ARMC2: variants seen among roughly 807,000 people sequenced by gnomAD.
The protein encoded by ARMC2 is armadillo repeat containing 2.
Under a neutral mutation model 90.3 loss-of-function variants are expected in ARMC2, and 67 were observed. The observed-to-expected ratio is 0.74, with a 90% confidence interval of 0.61 to 0.91. ARMC2 has a LOEUF of 0.91. Ranked by LOEUF, ARMC2 falls within the 40% of genes least tolerant of loss-of-function variation. The pLI is 0.00. For missense variants in ARMC2, 920 were observed against 1,030.9 expected (o/e 0.89, Z 1.47); for synonymous variants, 393 against 393.0 (o/e 1.00, Z 0.00).
At chr6:108,868,469 G>A (rs961939574) in intron 3 of ARMC2, among the ~76,000 whole-genome samples, 3 of 152,070 alleles carry the variant, frequency 2.0e-5, no homozygotes, top group Non-Finnish European at 2.9e-5. Flanking sequence ...CACCTGCCTC[G>A]GCCTCCCAAA....
At chr6:108,948,382 T>C (rs963001326) in intron 12 of ARMC2, among the ~76,000 whole-genome samples, 3 of 152,050 alleles carry the variant, frequency 2.0e-5, no homozygotes, top group African/African-American at 2.4e-5. Flanking sequence ...GCTTCTATTT[T>C]GGCCTCTTCC....
chr6:109,030,238 G>C, the ARMC2 span, among the ~76,000 whole-genome samples: 1 of 152,140 alleles, frequency 6.6e-6, no homozygotes, highest in East Asian at 1.9e-4. Context: ...CCCGATCTAA[G>C]AATCTGGTCT....
intron 1 of ARMC2, among the ~76,000 whole-genome samples, chr6:108,852,496 A>G (rs551773599): frequency 7.9e-5 from 12 of 152,348 alleles, no homozygotes; most frequent in South Asian, 6.2e-4. Context: ...CTAAATTCCT[A>G]TATGCCCCCA....
chr6:108,907,876 A>T, intron 8 of ARMC2: 2 of 1,609,196 alleles, frequency 1.2e-6, no homozygotes, highest in South Asian at 1.1e-5. Flanking sequence ...ACGCTATCTT[A>T]GAGTCCTGGT....
intron 6 of ARMC2, among the ~76,000 whole-genome samples, chr6:108,897,321 G>C (rs931559398): frequency 6.6e-6 from 1 of 152,190 alleles, no homozygotes; most frequent in African/African-American, 2.4e-5. Flanking sequence ...CACCACATCT[G>C]ATTCCAAAGG....
chr6:108,881,690 GC>G (rs1777599422), intron 5 of ARMC2, among the ~76,000 whole-genome samples: 1 of 152,080 alleles, frequency 6.6e-6, no homozygotes, highest in Non-Finnish European at 1.5e-5. Context: ...TTACATGTGA[GC>G]CAGCTAGTTT....
the ARMC2 span, among the ~76,000 whole-genome samples, chr6:109,046,733 C>A: frequency 7.3e-6 from 1 of 137,128 alleles, no homozygotes. Context: ...CTCTGCCCCG[C>A]CGCCCCATCT....
chr6:108,976,370 G>C (rs910478971), downstream of ARMC2, among the ~76,000 whole-genome samples: 3 of 152,074 alleles, frequency 2.0e-5, no homozygotes, highest in Admixed American at 6.6e-5. Context: ...CTATATCTCT[G>C]TTTTGGTACC....
Position 108,876,312 on chromosome 6 carries a change from A to C in ARMC2, c.633A>C (p.Lys211Asn). The C allele has an allele frequency of 1.2e-6, 2 of 1,612,200 alleles. No homozygotes were observed. The highest frequency in any genetic ancestry group is 1.7e-6 in the Non-Finnish European group (2 of 1,179,418). The change falls in exon 5 of 18, where the codon AAA (lysine) becomes AAC (asparagine). Residue 211 changes from lysine (K) to asparagine (N), a missense_variant. Physicochemically the swap from Lys to Asn is moderately conservative, Grantham distance 94. Coordinates refer to ENST00000392644, the MANE Select transcript of ARMC2 (RefSeq NM_032131.6). Reference protein sequence around the residue: ...FSEIKEQEMFKGTTSLPSHLK... With the variant: ...FSEIKEQEMFNGTTSLPSHLK... ...AAATAAAGGAGCAAGAAATGTTCAA[A>C]GGAACAACATCTTTACCATCTCATC...
the ARMC2 span, among the ~76,000 whole-genome samples, chr6:108,996,946 TACGTACTGTATGATTCCAACTATATA>T: frequency 6.6e-6 from 1 of 152,020 alleles, no homozygotes; most frequent in Admixed American, 6.5e-5. Flanking sequence ...CTGAAAAGGC[TACGTACTGTATGATTCCAACTATATA>T]ACATTCTGGA....
intron 3 of ARMC2, among the ~76,000 whole-genome samples, chr6:108,864,731 T>C (rs1328146305): frequency 6.6e-6 from 1 of 152,164 alleles, no homozygotes; most frequent in Non-Finnish European, 1.5e-5. Flanking sequence ...TTGGGTGATC[T>C]GGAAGAGCCA....
chr6:108,994,535 T>C, the ARMC2 span: 38 of 1,613,692 alleles, frequency 2.4e-5, no homozygotes, highest in Non-Finnish European at 2.6e-5. Flanking sequence ...GACTTGCCTC[T>C]TCTTCATCTC....
At chr6:108,874,231 C>A (rs1776718115) in intron 4 of ARMC2, among the ~76,000 whole-genome samples, 1 of 152,168 alleles carries the variant, frequency 6.6e-6, no homozygotes, top group Non-Finnish European at 1.5e-5. Flanking sequence ...CAAGCTTACT[C>A]CAGTAGATTT....
intron 1 of ARMC2, among the ~76,000 whole-genome samples, chr6:108,853,989 T>C (rs1007510881): frequency 6.6e-6 from 1 of 152,132 alleles, no homozygotes; most frequent in African/African-American, 2.4e-5. Flanking sequence ...TCTCTGGGTT[T>C]AGCTTTCATC....
chr6:108,984,548 T>C, the ARMC2 span, among the ~76,000 whole-genome samples: 1 of 152,120 alleles, frequency 6.6e-6, no homozygotes. Flanking sequence ...TATCACCACA[T>C]TGAGGATTAC....
At chr6:108,985,634 C>G in the ARMC2 span, among the ~76,000 whole-genome samples, 1 of 152,162 alleles carries the variant, frequency 6.6e-6, no homozygotes, top group African/African-American at 2.4e-5. Context: ...TTCCAGTGGA[C>G]TAAATGCATT....
At chr6:109,005,139 GTTTC>G in the ARMC2 span, among the ~76,000 whole-genome samples, 3 of 152,136 alleles carry the variant, frequency 2.0e-5, no homozygotes, top group African/African-American at 4.8e-5. Flanking sequence ...CTGCAACATT[GTTTC>G]TAATAGTACG....
At chr6:108,862,363 A>AAAAAAC (rs1562325611) in intron 3 of ARMC2, among the ~76,000 whole-genome samples, 2 of 149,230 alleles carry the variant, frequency 1.3e-5, no homozygotes, top group African/African-American at 5.1e-5. Context: ...AAAAAACAAA[A>AAAAAAC]AAAACAAACA....
chr6:108,988,627 A>T, the ARMC2 span: 2 of 1,612,870 alleles, frequency 1.2e-6, no homozygotes. Context: ...CAGTTTTGAT[A>T]TAAACTTTAA....
Sources: gnomAD v4.1 joint callset for allele counts (sites outside exome capture counted in the v4.1 genomes callset) on GRCh38, gnomAD v4.1.1 for gene constraint, MANE v1.5 for transcripts, NCBI Gene and HGNC (gene_info 2026-07-23, HGNC 2026-07-21) for gene names.